SPG11: variants seen among roughly 807,000 people sequenced by gnomAD.
The protein encoded by SPG11 is SPG11 vesicle trafficking associated, spatacsin.
SPG11 carries 222 observed loss-of-function variants against 274.0 expected under a neutral mutation model. That is an observed-to-expected ratio of 0.81 (90% CI 0.73 to 0.91). The LOEUF (loss-of-function observed/expected upper bound fraction) is 0.91, where lower values mean the gene tolerates loss of function less well. SPG11 is among the 40% of genes least tolerant of loss of function. SPG11 has a pLI of 0.00. For synonymous variants in SPG11, 1,144 were observed against 1,039.7 expected (o/e 1.10, Z -1.93); for missense variants, 3,114 against 2,872.7 (o/e 1.08, Z -1.92).
Position 44,663,470 on chromosome 15 carries a change from C to G in SPG11, c.178G>C (p.Ala60Pro). Residue 60 changes from alanine to proline, a missense_variant, in exon 1 of 40, where the codon GCG (alanine) becomes CCG (proline). Coordinates refer to ENST00000261866, the MANE Select transcript of SPG11 (RefSeq NM_025137.4). Reference protein sequence around the residue: ...QPEALGSLTAAGSLQVLSLTP... With the variant: ...QPEALGSLTAPGSLQVLSLTP... Reference sequence around the variant, plus strand: ...AAAGAAAGCACTTGGAGGCTGCCCGCAGCCGTCAGGCTCCCCAGAGCCTCC... The same window carrying G: ...AAAGAAAGCACTTGGAGGCTGCCCGGAGCCGTCAGGCTCCCCAGAGCCTCC... 6.3e-7 allele frequency: 1 copy of G among 1,594,806 alleles called. No individual in the cohort carries two copies. The highest frequency in any genetic ancestry group is 1.7e-5 in the Admixed American group (1 of 57,270).
At chr15:44,633,772 G>T (rs557885956) in intron 7 of SPG11, 135 bp from the exon 8 acceptor site, 2 of 817,624 alleles carry the variant, frequency 2.4e-6, no homozygotes, top group Non-Finnish European at 4.0e-6. Context: ...GAGTACATGG[G>T]CTCCAGTGAG....
At chr15:44,630,157 G>A (rs1165907433) in intron 8 of SPG11, among the ~76,000 whole-genome samples, 1 of 152,234 alleles carries the variant, frequency 6.6e-6, no homozygotes, top group Non-Finnish European at 1.5e-5. Context: ...AAAACAAGAA[G>A]TGTGGGCCCC....
chr15:44,659,637 G>T (rs533840251), intron 2 of SPG11, among the ~76,000 whole-genome samples: 2 of 152,184 alleles, frequency 1.3e-5, no homozygotes, highest in Non-Finnish European at 2.9e-5. Context: ...TTATAATCAA[G>T]GGTGAAGAGT....
At chr15:44,650,303 G>A (rs911871059) in intron 6 of SPG11, among the ~76,000 whole-genome samples, 6 of 152,098 alleles carry the variant, frequency 3.9e-5, no homozygotes, top group Non-Finnish European at 8.8e-5. Context: ...ATGATCACTT[G>A]AGCTCAGGAG....
chr15:44,612,818 A>T (rs2083495772), intron 17 of SPG11, among the ~76,000 whole-genome samples: 1 of 152,150 alleles, frequency 6.6e-6, no homozygotes, highest in Admixed American at 6.5e-5. Context: ...AAAATTCTGC[A>T]TTTTGAGAGA....
At chr15:44,615,131 AG>A (rs1236032432) in intron 16 of SPG11, among the ~76,000 whole-genome samples, 3 of 152,226 alleles carry the variant, frequency 2.0e-5, no homozygotes, top group Non-Finnish European at 2.9e-5. Flanking sequence ...GTTATTTAAA[AG>A]GTTAACAGAG....
Position 44,563,005 on chromosome 15 carries a change from T to TA in SPG11, c.*115dup. The TA allele has an allele frequency of 9.9e-7, 1 of 1,013,754 alleles. No homozygotes were observed. The highest frequency in any genetic ancestry group is 1.9e-5 in the Admixed American group (1 of 52,038). The allele number at this position is 1,013,754 out of a possible 1,614,324, so 62.8% of individuals were successfully genotyped here. The stretch of plus-strand genomic sequence containing the variant: ...CTACCTACTACCCACAAAGGACTGA[T>TA]ATGGTACAGTACCGGGATTGTTCAA... On this transcript the variant is annotated 3_prime_UTR_variant, in exon 40 of 40. Transcript: ENST00000261866.
intron 20 of SPG11, among the ~76,000 whole-genome samples, chr15:44,605,723 A>T (rs953584624): frequency 6.6e-6 from 1 of 152,194 alleles, no homozygotes; most frequent in African/African-American, 2.4e-5. Context: ...TAATGCTGAC[A>T]CCTATGCTTT....
intron 11 of SPG11, among the ~76,000 whole-genome samples, chr15:44,625,417 C>G (rs939376955): frequency 1.3e-5 from 2 of 152,032 alleles, no homozygotes; most frequent in African/African-American, 4.8e-5. Flanking sequence ...ATCATGGGGG[C>G]GGATTTCCCC....
chr15:44,654,446 T>G (rs1457999064), intron 4 of SPG11, among the ~76,000 whole-genome samples: 2 of 152,042 alleles, frequency 1.3e-5, no homozygotes, highest in Non-Finnish European at 2.9e-5. Context: ...AGGCGGACCT[T>G]GCAGTGGGCC....
chr15:44,573,918 T>C (rs2082480392), intron 31 of SPG11, 173 bp from the exon 32 acceptor site: 1 of 648,168 alleles, frequency 1.5e-6, no homozygotes, highest in Non-Finnish European at 2.7e-6. Context: ...CTTTCTATCA[T>C]TTCACCAAAG....
chr15:44,653,949 G>C (rs2084860862), intron 4 of SPG11, among the ~76,000 whole-genome samples: 1 of 152,042 alleles, frequency 6.6e-6, no homozygotes, highest in South Asian at 2.1e-4. Context: ...AATGAACCAT[G>C]TAGCCTAGAA....
rs909272566 is a variant in SPG11 at position 44,567,743 on chromosome 15, A to T, written c.6586-151T>A. Reference sequence around the variant, plus strand: ...TAAATACAAGTTTTATGCTGTCCCAAGTATGAGGAAACAGGCATGTGTGCT... The same window carrying T: ...TAAATACAAGTTTTATGCTGTCCCATGTATGAGGAAACAGGCATGTGTGCT... On this transcript the variant is annotated intron_variant, in intron 35 of 39. Coordinates refer to ENST00000261866, the MANE Select transcript of SPG11 (RefSeq NM_025137.4). 1.9e-5 allele frequency: 16 copies of T among 842,558 alleles called. No individual in the cohort carries two copies. In the East Asian group the frequency reaches 4.3e-4, roughly 23 times the overall value. The allele number at this position is 842,558 out of a possible 1,614,324, so 52.2% of individuals were successfully genotyped here.
intron 8 of SPG11, among the ~76,000 whole-genome samples, chr15:44,633,246 G>A (rs1471027008): frequency 7.2e-6 from 1 of 138,540 alleles, no homozygotes; most frequent in Non-Finnish European, 1.5e-5. Flanking sequence ...TGGGAGGACT[G>A]CTTGAGTCCA....
intron 2 of SPG11, among the ~76,000 whole-genome samples, chr15:44,659,639 G>A (rs1566834306): frequency 6.6e-6 from 1 of 152,156 alleles, no homozygotes; most frequent in Non-Finnish European, 1.5e-5. Flanking sequence ...ATAATCAAGG[G>A]TGAAGAGTAT....
intron 3 of SPG11, 118 bp downstream of exon 3, chr15:44,658,961 T>G: frequency 2.2e-6 from 2 of 900,378 alleles, no homozygotes; most frequent in Non-Finnish European, 1.8e-6. Context: ...AAAGTTTTAC[T>G]GAAAAACTAA....
At chr15:44,647,676 T>G (rs1305420224) in intron 7 of SPG11, among the ~76,000 whole-genome samples, 1 of 152,226 alleles carries the variant, frequency 6.6e-6, no homozygotes, top group African/African-American at 2.4e-5. Context: ...GTCACATATT[T>G]TATAATTCAA....
rs1324482416 is a variant in SPG11, at chr15:44,626,324, C to G, written c.2244+7G>C. 6.2e-7 allele frequency: 1 copy of G among 1,607,128 alleles called. No homozygotes were observed. Among genetic ancestry groups the G allele is most frequent in the Admixed American group, 1.7e-5 (1 of 59,704 alleles). On this transcript the variant is annotated splice_region_variant and intron_variant, in intron 11 of 39. Coordinates refer to ENST00000261866, the MANE Select transcript of SPG11 (RefSeq NM_025137.4). The stretch of plus-strand genomic sequence containing the variant: ...CATTTTAAGACTTTATGGATTACAC[C>G]ACTCACCATATTCTTCAAAAGTTCA...
rs1259332141 is a variant in SPG11 at position 44,596,835 on chromosome 15, AT to A, written c.4109del (p.Asp1370ValfsTer19). On this transcript the variant is annotated frameshift_variant, in exon 24 of 40. Transcript: ENST00000261866. LOFTEE classifies it high-confidence loss of function. ...GGCTGTGAATAATGAACTGCAGCCA[AT>A]CATTTGCTTTGGCACATTCTCTAAG... is the stretch of plus-strand genomic sequence containing the variant. The part of the protein sequence containing the change: ...SYLRECAKAN[D>X]WLQFIIHSQL... The A allele has an allele frequency of 4.3e-6, 7 of 1,614,106 alleles. No homozygotes were observed. Among genetic ancestry groups the A allele is most frequent in the Non-Finnish European group, 8.5e-7 (1 of 1,180,014 alleles).
Sources: allele counts gnomAD v4.1 joint callset (sites outside exome capture counted in the v4.1 genomes callset), GRCh38; gene constraint gnomAD v4.1.1; transcripts MANE v1.5; gene names NCBI Gene and HGNC (gene_info 2026-07-23, HGNC 2026-07-21).